The following TBC1D8 variants were observed in gnomAD, a reference collection of about 807,000 sequenced individuals.
The protein encoded by TBC1D8 is TBC1 domain family member 8.
TBC1D8 carries 65 observed loss-of-function variants against 118.8 expected under a neutral mutation model. The observed-to-expected ratio is 0.55, with a 90% CI of 0.45 to 0.67. The LOEUF (loss-of-function observed/expected upper bound fraction) is 0.67, where lower values mean the gene tolerates loss of function less well. Among genes scored for constraint, TBC1D8 ranks in the 30% least tolerant of loss-of-function variants. TBC1D8 has a pLI of 0.00. For synonymous variants in TBC1D8, 566 were observed against 595.8 expected (o/e 0.95, Z 0.73); for missense variants, 1,376 against 1,471.2 (o/e 0.94, Z 1.06).
chr2:101,059,666 C>G, intron 2 of TBC1D8, 127 bp from the exon 3 acceptor site: 3 of 768,458 alleles, frequency 3.9e-6, no homozygotes, highest in Middle Eastern at 3.7e-4. Flanking sequence ...CTTGGCCAGG[C>G]GCAGTGGCTC....
At chr2:101,149,497 T>C (rs1476629978) in intron 1 of TBC1D8, among the ~76,000 whole-genome samples, 1 of 152,206 alleles carries the variant, frequency 6.6e-6, no homozygotes, top group African/African-American at 2.4e-5. Context: ...CAGAGTATCC[T>C]ACATATGTGC....
intron 2 of TBC1D8, among the ~76,000 whole-genome samples, chr2:101,071,272 G>T (rs1296830295): frequency 6.6e-6 from 1 of 152,126 alleles, no homozygotes; most frequent in Non-Finnish European, 1.5e-5. Context: ...GTGAACCCGG[G>T]AGGCGGAGCT....
intron 2 of TBC1D8, chr2:101,068,340 G>A (rs1683129230): frequency 4.3e-6 from 1 of 232,650 alleles, no homozygotes; most frequent in African/African-American, 2.3e-5. Flanking sequence ...GTAGGCTTGA[G>A]TCAAGAACTC....
chr2:101,073,624 G>C lies in TBC1D8; in HGVS notation c.284-14085C>G, dbSNP rs576345093. Among the ~76,000 whole-genome samples the C allele has an allele frequency of 1.4e-4, 22 of 152,300 alleles. No homozygotes were observed. In the Middle Eastern group the frequency reaches 0.01, roughly 71 times the overall value. On this transcript the variant is annotated intron_variant, in intron 2 of 19. Coordinates refer to ENST00000409318, the MANE Select transcript of TBC1D8 (RefSeq NM_001330348.2). The stretch of plus-strand genomic sequence containing the variant: ...ACATTGTTTTAAAGTCAGTTGTGTA[G>C]TGTGGCAACCTTCATCAACGAGCTC...
chr2:101,070,806 C>A (rs770973915), intron 2 of TBC1D8, among the ~76,000 whole-genome samples: 14 of 152,154 alleles, frequency 9.2e-5, no homozygotes, highest in Non-Finnish European at 1.8e-4. Context: ...TACATTTCTG[C>A]CTTTATCATC....
At chr2:101,138,451 G>T (rs1678953587) in intron 1 of TBC1D8, among the ~76,000 whole-genome samples, 1 of 152,094 alleles carries the variant, frequency 6.6e-6, no homozygotes, top group Non-Finnish European at 1.5e-5. Flanking sequence ...TGGAATTAGT[G>T]CAGGTTAAAG....
chr2:101,010,881 C>CA (rs35511736), intron 19 of TBC1D8, 48 bp downstream of exon 19: 158,988 of 1,265,514 alleles, frequency 0.13, no homozygotes, highest in East Asian at 0.14. Context: ...GACTCCATCT[C>CA]AAAAAAAAAA....
At chr2:101,093,694 A>G (rs1424913497) in intron 1 of TBC1D8, among the ~76,000 whole-genome samples, 1 of 151,656 alleles carries the variant, frequency 6.6e-6, no homozygotes. Flanking sequence ...CAGCCTGGGC[A>G]ACAGAGCAAG....
Position 101,028,161 on chromosome 2 carries a change from G to A in TBC1D8, c.2353-15C>T. ...TCTCCAAATTTCTGCAGGGAAAAAA[G>A]GGACCACTTGCTCAGTCCCCTGCTC... On this transcript the variant is annotated splice_polypyrimidine_tract_variant and intron_variant, in intron 13 of 19. Coordinates refer to ENST00000409318, the MANE Select transcript of TBC1D8 (RefSeq NM_001330348.2). 1 of 1,613,648 alleles carries A rather than the reference G, an allele frequency of 6.2e-7. No individual in the cohort carries two copies. Among genetic ancestry groups the A allele is most frequent in the Non-Finnish European group, 8.5e-7 (1 of 1,179,794 alleles).
chr2:101,086,217 A>C (rs1452679367), intron 2 of TBC1D8, among the ~76,000 whole-genome samples: 1 of 152,238 alleles, frequency 6.6e-6, no homozygotes, highest in African/African-American at 2.4e-5. Context: ...TACTGCTGCA[A>C]ACCAAATTAT....
At chr2:101,054,478 G>T in intron 3 of TBC1D8, 142 bp from the exon 4 acceptor site, 1 of 775,104 alleles carries the variant, frequency 1.3e-6, no homozygotes. Flanking sequence ...CACCTGACGA[G>T]GAGAATGGCT....
intron 12 of TBC1D8, among the ~76,000 whole-genome samples, chr2:101,029,212 A>G (rs537736071): frequency 6.6e-6 from 1 of 152,264 alleles, no homozygotes; most frequent in East Asian, 1.9e-4. Context: ...AACATGGTGA[A>G]ACCCTGTCTC....
At chr2:101,105,860 C>T (rs903007912) in intron 1 of TBC1D8, among the ~76,000 whole-genome samples, 3 of 151,910 alleles carry the variant, frequency 2.0e-5, no homozygotes, top group East Asian at 1.9e-4. Flanking sequence ...AATCGCACAC[C>T]TAGGTATTTA....
intron 1 of TBC1D8, among the ~76,000 whole-genome samples, chr2:101,140,584 G>A (rs953109884): frequency 1.1e-4 from 16 of 151,940 alleles, no homozygotes; most frequent in South Asian, 2.1e-4. Context: ...TTATATCAAC[G>A]TTACAGGTAC....
chr2:101,139,874 G>A (rs114493084), intron 1 of TBC1D8, among the ~76,000 whole-genome samples: 1,558 of 152,098 alleles, frequency 0.01, 18 homozygotes, highest in Non-Finnish European at 0.015. Context: ...CACCACCATT[G>A]ATAACTCAGT....
chr2:101,027,965 C>T (rs1024846308), intron 14 of TBC1D8, 83 bp downstream of exon 14: 5 of 1,210,838 alleles, frequency 4.1e-6, no homozygotes, highest in Admixed American at 4.0e-5. Context: ...TCAAAGCTGG[C>T]ATTCTTATGA....
chr2:101,096,331 C>T (rs1409018928), intron 1 of TBC1D8, among the ~76,000 whole-genome samples: 4 of 143,770 alleles, frequency 2.8e-5, no homozygotes, highest in South Asian at 2.2e-4. Flanking sequence ...GAAACACAGC[C>T]CAAGTCTGAG....
intron 12 of TBC1D8, 82 bp from the exon 13 acceptor site, chr2:101,028,514 G>A (rs1246024860): frequency 1.3e-6 from 2 of 1,482,062 alleles, no homozygotes; most frequent in Non-Finnish European, 1.8e-6. Flanking sequence ...TGTCAGACAT[G>A]CCAGGGCACT....
chr2:101,126,302 G>A (rs561727521), intron 1 of TBC1D8, among the ~76,000 whole-genome samples: 19 of 152,278 alleles, frequency 1.2e-4, no homozygotes, highest in African/African-American at 2.6e-4. Context: ...CCACCAGGCC[G>A]TACCTCCAAT....
Sources: gnomAD v4.1 joint callset for allele counts (sites outside exome capture counted in the v4.1 genomes callset) on GRCh38, gnomAD v4.1.1 for gene constraint, MANE v1.5 for transcripts, NCBI Gene and HGNC (gene_info 2026-07-23, HGNC 2026-07-21) for gene names.